Variants in PRKD1 observed in about 807,000 individuals in gnomAD.
PRKD1 encodes serine/threonine-protein kinase D1.
In PRKD1, 63 loss-of-function variants were observed where a neutral mutation model predicts 95.9. The ratio of observed to expected loss-of-function variants is 0.66; its 90% CI spans 0.54 to 0.81. PRKD1 has a LOEUF of 0.81. Ranked by LOEUF, PRKD1 falls within the 30% of genes least tolerant of loss-of-function variation. PRKD1 has a pLI of 0.00. For missense variants in PRKD1, 1,048 were observed against 1,165.3 expected, an observed-to-expected ratio of 0.90 and a Z score of 1.47; for synonymous variants, 425 against 423.1, an observed-to-expected ratio of 1.00 and a Z score of -0.05.
chr14:29,762,856 G>C (rs1475678526), intron 1 of PRKD1, among the ~76,000 whole-genome samples: 3 of 152,126 alleles, frequency 2.0e-5, no homozygotes, highest in African/African-American at 7.2e-5. Flanking sequence ...CAATTCTAGT[G>C]CCTCAGCTTC....
At chr14:29,654,700 A>G (rs994458911) in intron 4 of PRKD1, among the ~76,000 whole-genome samples, 3 of 152,120 alleles carry the variant, frequency 2.0e-5, no homozygotes. Context: ...GAAGGCGGAT[A>G]ATTTATCTAT....
intron 13 of PRKD1, among the ~76,000 whole-genome samples, chr14:29,614,067 C>T (rs1171277586): frequency 6.6e-6 from 1 of 152,128 alleles, no homozygotes; most frequent in African/African-American, 2.4e-5. Flanking sequence ...TTTTCCATCC[C>T]CAAGTTTGCT....
In PRKD1 at chr14:29,920,066, AAAGAAG is replaced by A. The variant is rs1201000101; in HGVS notation, c.264+7177_264+7182del. ...GAAGGAAGGAAGGAAGGAAGGAAGG[AAAGAAG>A]GAAGGAAGGAAGGAGAAAAGAAAAG... On this transcript the variant is annotated intron_variant, in intron 1 of 17. Coordinates refer to ENST00000331968, the MANE Select transcript of PRKD1 (RefSeq NM_002742.3). 6.9e-3 allele frequency among the ~76,000 whole-genome samples: 909 copies of A among 131,474 alleles called. 18 individuals carry two copies. The highest frequency in any genetic ancestry group is 0.055 in the East Asian group (255 of 4,606). The allele number at this position is 131,474 out of a possible 152,430, so 86.3% of individuals were successfully genotyped here.
rs8007074 is a variant in PRKD1, at chr14:29,894,217, G to T, written c.264+33032C>A. Reference sequence around the variant, plus strand: ...GAATAATGAGAGTATACACCAAGGAGGTGGGAGGAGGCGGGGGAGTATAAG... The same window carrying T: ...GAATAATGAGAGTATACACCAAGGATGTGGGAGGAGGCGGGGGAGTATAAG... On this transcript the variant is annotated intron_variant, in intron 1 of 17. Transcript: ENST00000331968. Among the ~76,000 whole-genome samples, 141 of 152,336 alleles carry T rather than the reference G, an allele frequency of 9.3e-4. 3 individuals are homozygous for T. Among genetic ancestry groups the T allele is most frequent in the African/African-American group, 3.3e-3 (137 of 41,588 alleles).
At chr14:29,839,235 A>G (rs1290478150) in intron 1 of PRKD1, among the ~76,000 whole-genome samples, 3 of 152,238 alleles carry the variant, frequency 2.0e-5, no homozygotes, top group Admixed American at 6.5e-5. Flanking sequence ...CAGTTGATGG[A>G]TGCCAAAACT....
intron 1 of PRKD1, among the ~76,000 whole-genome samples, chr14:29,895,285 C>T (rs1396171506): frequency 6.6e-6 from 1 of 152,104 alleles, no homozygotes; most frequent in Non-Finnish European, 1.5e-5. Context: ...CCACTGCACC[C>T]CAGCCTGGGC....
intron 10 of PRKD1, 28 bp from the exon 11 acceptor site, chr14:29,629,121 C>A: frequency 9.5e-6 from 15 of 1,577,144 alleles, no homozygotes; most frequent in South Asian, 2.3e-5. Flanking sequence ...ACAATATGCA[C>A]ACAAAAAGTC....
intron 1 of PRKD1, among the ~76,000 whole-genome samples, chr14:29,796,866 G>T (rs1049791218): frequency 6.6e-6 from 1 of 152,174 alleles, no homozygotes; most frequent in Non-Finnish European, 1.5e-5. Flanking sequence ...ACTGCAAAGG[G>T]AAATGAAGAA....
intron 2 of PRKD1, among the ~76,000 whole-genome samples, chr14:29,682,519 C>G (rs542307546): frequency 6.6e-6 from 1 of 152,302 alleles, no homozygotes; most frequent in South Asian, 2.1e-4. Context: ...AATCCCACTT[C>G]ATCAATATCC....
At chr14:29,856,324 G>GA (rs1485434100) in intron 1 of PRKD1, among the ~76,000 whole-genome samples, 2 of 151,876 alleles carry the variant, frequency 1.3e-5, no homozygotes, top group Non-Finnish European at 2.9e-5. Context: ...CAATCCCTTT[G>GA]AAAAAAGAAA....
intron 16 of PRKD1, among the ~76,000 whole-genome samples, chr14:29,590,797 T>C (rs150985161): frequency 2.8e-4 from 42 of 152,294 alleles, no homozygotes; most frequent in African/African-American, 9.6e-4. Context: ...TTCATTTATT[T>C]ATTTATTTTT....
At chr14:29,647,811 G>A (rs183672189) in intron 4 of PRKD1, among the ~76,000 whole-genome samples, 1 of 151,872 alleles carries the variant, frequency 6.6e-6, no homozygotes, top group Non-Finnish European at 1.5e-5. Flanking sequence ...AATTTAAGGT[G>A]TACACTGGCT....
At chr14:29,669,013 CTATT>C (rs35470607) in intron 2 of PRKD1, among the ~76,000 whole-genome samples, 8,836 of 152,148 alleles carry the variant, frequency 0.058, 287 homozygotes, top group Middle Eastern at 0.14. Flanking sequence ...ATTTTTTTGA[CTATT>C]TAAACACTAT....
intron 1 of PRKD1, among the ~76,000 whole-genome samples, chr14:29,807,021 TA>T (rs1366304869): frequency 6.6e-6 from 1 of 152,134 alleles, no homozygotes; most frequent in East Asian, 1.9e-4. Flanking sequence ...CATTATGTCT[TA>T]AAAAATGCAC....
intron 1 of PRKD1, among the ~76,000 whole-genome samples, chr14:29,821,025 T>C (rs964231164): frequency 2.6e-5 from 4 of 152,206 alleles, no homozygotes; most frequent in African/African-American, 9.6e-5. Flanking sequence ...TGGGAAAAGA[T>C]GAAGTCAGCT....
intron 13 of PRKD1, among the ~76,000 whole-genome samples, chr14:29,603,260 G>T (rs1321431853): frequency 6.6e-6 from 1 of 152,180 alleles, no homozygotes; most frequent in Non-Finnish European, 1.5e-5. Context: ...TATCTGAATA[G>T]TTGATATACA....
chr14:29,677,331 G>A (rs369827029), intron 2 of PRKD1, among the ~76,000 whole-genome samples: 16 of 152,092 alleles, frequency 1.1e-4, no homozygotes, highest in Admixed American at 3.9e-4. Context: ...TGAAATTAAG[G>A]CTTTCAGTAT....
chr14:29,747,369 C>A (rs1034953065), intron 1 of PRKD1, among the ~76,000 whole-genome samples: 1 of 152,058 alleles, frequency 6.6e-6, no homozygotes, highest in Non-Finnish European at 1.5e-5. Flanking sequence ...ATAGTTCCAA[C>A]CATTATGAAA....
chr14:29,828,385 G>A (rs142879745), intron 1 of PRKD1, among the ~76,000 whole-genome samples: 2,402 of 151,950 alleles, frequency 0.016, 85 homozygotes, highest in Admixed American at 0.079. Context: ...GTGAGATCTC[G>A]CTCATTACCA....
Sources: allele counts gnomAD v4.1 joint callset (sites outside exome capture counted in the v4.1 genomes callset), GRCh38; gene constraint gnomAD v4.1.1; transcripts MANE v1.5; gene names NCBI Gene and HGNC (gene_info 2026-07-23, HGNC 2026-07-21).